The following TMEM217B variants were observed in gnomAD, a reference collection of about 807,000 sequenced individuals.
TMEM217B encodes transmembrane protein 217B, also known as putative transmembrane protein 217B.
the TMEM217B span, among the ~76,000 whole-genome samples, chr6:37,224,734 G>A: frequency 6.6e-6 from 1 of 152,128 alleles, no homozygotes; most frequent in Non-Finnish European, 1.5e-5. Context: ...GGGATTACAG[G>A]AGTGAGCCAC....
chr6:37,232,226 A>G, the TMEM217B span, among the ~76,000 whole-genome samples: 1 of 152,224 alleles, frequency 6.6e-6, no homozygotes, highest in Non-Finnish European at 1.5e-5. Context: ...AAATAGAATT[A>G]GAGATCACAA....
the TMEM217B span, among the ~76,000 whole-genome samples, chr6:37,257,098 T>C: frequency 6.6e-6 from 1 of 152,218 alleles, no homozygotes; most frequent in Non-Finnish European, 1.5e-5. Context: ...TATTTGGTAA[T>C]CTGAGTTGGA....
the TMEM217B span, chr6:37,257,497 T>C: frequency 5.4e-6 from 1 of 184,370 alleles, no homozygotes; most frequent in Non-Finnish European, 1.2e-5. Context: ...CCAAGAAATA[T>C]TAGACTAAGG....
chr6:37,232,613 C>G, the TMEM217B span, among the ~76,000 whole-genome samples: 2 of 152,204 alleles, frequency 1.3e-5, no homozygotes, highest in Admixed American at 6.5e-5. Flanking sequence ...CTCCCGTTCT[C>G]TGCAACAGCT....
At chr6:37,246,844 A>C in the TMEM217B span, among the ~76,000 whole-genome samples, 3 of 151,724 alleles carry the variant, frequency 2.0e-5, no homozygotes, top group African/African-American at 7.3e-5. Flanking sequence ...TCAAGGCCGC[A>C]GTGAGCCATG....
chr6:37,253,757 AT>A, the TMEM217B span, among the ~76,000 whole-genome samples: 1 of 151,842 alleles, frequency 6.6e-6, no homozygotes, highest in South Asian at 2.1e-4. Flanking sequence ...TTTTTTCTCT[AT>A]TTTTATCTTC....
the TMEM217B span, among the ~76,000 whole-genome samples, chr6:37,237,613 A>T: frequency 1.2e-3 from 182 of 152,340 alleles, no homozygotes; most frequent in Middle Eastern, 3.4e-3. Context: ...AATCAATAAG[A>T]ATGTTATAGG....
the TMEM217B span, among the ~76,000 whole-genome samples, chr6:37,249,815 T>C: frequency 3.4e-3 from 522 of 152,334 alleles, 3 homozygotes; most frequent in African/African-American, 0.012. Context: ...TGTAAAGTAG[T>C]ATGACCACTT....
the TMEM217B span, among the ~76,000 whole-genome samples, chr6:37,216,667 T>C: frequency 6.6e-6 from 1 of 152,092 alleles, no homozygotes; most frequent in African/African-American, 2.4e-5. Flanking sequence ...GCTTGCCAAA[T>C]GGTGAGTGCT....
At chr6:37,240,558 C>T in the TMEM217B span, among the ~76,000 whole-genome samples, 1 of 151,982 alleles carries the variant, frequency 6.6e-6, no homozygotes, top group Non-Finnish European at 1.5e-5. Flanking sequence ...GAAGTGATAT[C>T]CATCACTTCA....
chr6:37,258,079 T>A, the TMEM217B span: 1 of 1,311,040 alleles, frequency 7.6e-7, no homozygotes, highest in Non-Finnish European at 1.0e-6. Flanking sequence ...GAAGACTGGT[T>A]TGGGGAAGCT....
chr6:37,249,839 G>A, the TMEM217B span, among the ~76,000 whole-genome samples: 4 of 152,126 alleles, frequency 2.6e-5, no homozygotes, highest in African/African-American at 9.7e-5. Flanking sequence ...AAAACAGTTG[G>A]GCAGTATTTT....
the TMEM217B span, among the ~76,000 whole-genome samples, chr6:37,230,100 G>A: frequency 1.3e-5 from 2 of 152,290 alleles, no homozygotes; most frequent in Non-Finnish European, 2.9e-5. Flanking sequence ...CCTCCTTCCA[G>A]GCCTTGCTCC....
the TMEM217B span, chr6:37,218,679 C>T: frequency 6.2e-7 from 1 of 1,614,062 alleles, no homozygotes; most frequent in Non-Finnish European, 8.5e-7. Flanking sequence ...ATGTCAAAGT[C>T]ATTGTTGGTG....
At chr6:37,228,064 G>A in the TMEM217B span, among the ~76,000 whole-genome samples, 685 of 152,230 alleles carry the variant, frequency 4.5e-3, 4 homozygotes, top group African/African-American at 0.015. Flanking sequence ...GACTTCCAGA[G>A]CTAGGCAAGT....
At chr6:37,215,570 C>CGAAAAAAAAAAA in the TMEM217B span, among the ~76,000 whole-genome samples, 4 of 72,376 alleles carry the variant, frequency 5.5e-5, no homozygotes, top group Admixed American at 2.1e-4. Flanking sequence ...GACTCTGTCT[C>CGAAAAAAAAAAA]AAAAAAAAAA....
the TMEM217B span, among the ~76,000 whole-genome samples, chr6:37,252,160 T>A: frequency 6.6e-6 from 1 of 152,274 alleles, no homozygotes; most frequent in Non-Finnish European, 1.5e-5. Context: ...CCCAAAGTGC[T>A]GGGATTACAG....
chr6:37,213,063 G>T, the TMEM217B span: 1 of 1,049,806 alleles, frequency 9.5e-7, no homozygotes, highest in Non-Finnish European at 1.4e-6. Flanking sequence ...AATCCCCCAA[G>T]TCACTAGATA....
At chr6:37,255,551 T>TA in the TMEM217B span, among the ~76,000 whole-genome samples, 3 of 151,910 alleles carry the variant, frequency 2.0e-5, no homozygotes, top group Non-Finnish European at 4.4e-5. Context: ...GCCATGGTGG[T>TA]ATGTGCCTGT....
Sources: gnomAD v4.1 joint callset for allele counts (sites outside exome capture counted in the v4.1 genomes callset) on GRCh38, gnomAD v4.1.1 for gene constraint, MANE v1.5 for transcripts, NCBI Gene and HGNC (gene_info 2026-07-23, HGNC 2026-07-21) for gene names.